The following ROBO1 variants were observed in gnomAD, a reference collection of about 807,000 sequenced individuals.
ROBO1 encodes the protein roundabout guidance receptor 1, also known as roundabout homolog 1.
A neutral mutation model predicts 195.9 loss-of-function variants in ROBO1; 149 were observed. The observed-to-expected ratio is 0.76, with a 90% CI of 0.67 to 0.87. The LOEUF (loss-of-function observed/expected upper bound fraction) is 0.87. ROBO1 is among the 40% of genes least tolerant of loss of function. The pLI, the probability that ROBO1 is intolerant of heterozygous loss-of-function variation, is 0.00. For synonymous variants in ROBO1, 816 were observed against 733.2 expected (o/e 1.11, Z -1.82); for missense variants, 1,933 against 2,068.3 (o/e 0.93, Z 1.27).
At chr3:79,164,752 T>C (rs1241572673) in intron 2 of ROBO1, among the ~76,000 whole-genome samples, 4 of 152,188 alleles carry the variant, frequency 2.6e-5, no homozygotes, top group Non-Finnish European at 5.9e-5. Flanking sequence ...CTATTGCCTC[T>C]CTGATCTCAT....
rs558305320 is a variant in ROBO1 at position 79,220,908 on chromosome 3, T to G, written c.89-95369A>C. Among the ~76,000 whole-genome samples the G allele has an allele frequency of 7.9e-5, 12 of 152,176 alleles. No homozygotes were observed. The East Asian group carries it at 1.5e-3, about 20-fold the overall frequency. ...TTGTAGTAGGGGCATGGCTGTACAC[T>G]GTAGGATGTTTAGCAACATTCCTAG... On this transcript the variant is annotated intron_variant, in intron 2 of 30. Transcript: ENST00000464233.
At chr3:78,674,812 AG>A (rs1347948149) in intron 10 of ROBO1, among the ~76,000 whole-genome samples, 2 of 152,164 alleles carry the variant, frequency 1.3e-5, no homozygotes, top group Admixed American at 1.3e-4. Flanking sequence ...ACTTTAGCAT[AG>A]GTTTCTAAAA....
At chr3:78,607,688 C>T (rs1007613335) in intron 28 of ROBO1, among the ~76,000 whole-genome samples, 1 of 152,098 alleles carries the variant, frequency 6.6e-6, no homozygotes, top group Non-Finnish European at 1.5e-5. Flanking sequence ...ACTGCTAGTA[C>T]CAGATGCATG....
intron 4 of ROBO1, among the ~76,000 whole-genome samples, chr3:78,824,237 T>C (rs1296158434): frequency 6.6e-6 from 1 of 152,174 alleles, no homozygotes; most frequent in Non-Finnish European, 1.5e-5. Context: ...TGACAAGAGA[T>C]ATATTAGGTT....
At chr3:79,694,249 A>C (rs1947377311) in intron 1 of ROBO1, among the ~76,000 whole-genome samples, 1 of 151,866 alleles carries the variant, frequency 6.6e-6, no homozygotes, top group Non-Finnish European at 1.5e-5. Flanking sequence ...TTGACAGTAG[A>C]ATGTCTAATC....
chr3:79,351,989 A>G (rs2035361525), intron 2 of ROBO1, among the ~76,000 whole-genome samples: 1 of 152,206 alleles, frequency 6.6e-6, no homozygotes, highest in Non-Finnish European at 1.5e-5. Flanking sequence ...GCCATTCTAC[A>G]TAAGCATTCC....
intron 1 of ROBO1, among the ~76,000 whole-genome samples, chr3:79,732,927 T>C (rs914751947): frequency 6.6e-6 from 1 of 152,176 alleles, no homozygotes; most frequent in Non-Finnish European, 1.5e-5. Flanking sequence ...CTCTTTTCCA[T>C]ATCTCAATCA....
intron 18 of ROBO1, among the ~76,000 whole-genome samples, chr3:78,655,229 C>T (rs1021726451): frequency 2.0e-5 from 3 of 152,078 alleles, no homozygotes; most frequent in South Asian, 2.1e-4. Flanking sequence ...TAGCCTATGG[C>T]TATGATAGAG....
intron 2 of ROBO1, among the ~76,000 whole-genome samples, chr3:79,455,591 C>A (rs2039593382): frequency 6.6e-6 from 1 of 152,006 alleles, no homozygotes; most frequent in African/African-American, 2.4e-5. Context: ...TTGTAGTGCT[C>A]TGAGTCATTT....
intron 5 of ROBO1, among the ~76,000 whole-genome samples, chr3:78,740,412 T>G (rs2108248101): frequency 6.6e-6 from 1 of 151,336 alleles, no homozygotes; most frequent in South Asian, 2.1e-4. Flanking sequence ...ATTTAAAATT[T>G]TTCAGATTAA....
intron 1 of ROBO1, among the ~76,000 whole-genome samples, chr3:79,754,919 T>C (rs944072855): frequency 2.0e-5 from 3 of 152,204 alleles, no homozygotes; most frequent in Non-Finnish European, 4.4e-5. Context: ...TCACTCTTGT[T>C]GCGCAGGCTG....
At chr3:78,674,973 C>A (rs966417784) in intron 10 of ROBO1, among the ~76,000 whole-genome samples, 3 of 151,934 alleles carry the variant, frequency 2.0e-5, no homozygotes, top group Non-Finnish European at 2.9e-5. Flanking sequence ...TATTTAATGG[C>A]TGTAATGTAC....
chr3:79,093,260 CT>C, intron 3 of ROBO1, among the ~76,000 whole-genome samples: 1 of 152,240 alleles, frequency 6.6e-6, no homozygotes, highest in East Asian at 1.9e-4. Flanking sequence ...TAAGAGTTTA[CT>C]GTGGAACTGA....
chr3:78,745,555 T>C (rs1474296814), intron 5 of ROBO1, among the ~76,000 whole-genome samples: 1 of 152,144 alleles, frequency 6.6e-6, no homozygotes, highest in Non-Finnish European at 1.5e-5. Flanking sequence ...GAAAAGCATT[T>C]GTTTCTTCGC....
At chr3:79,388,464 T>G (rs1187698814) in intron 2 of ROBO1, among the ~76,000 whole-genome samples, 1 of 151,988 alleles carries the variant, frequency 6.6e-6, no homozygotes, top group Non-Finnish European at 1.5e-5. Flanking sequence ...AACATCTTCA[T>G]TCATAATAAA....
intron 4 of ROBO1, among the ~76,000 whole-genome samples, chr3:78,780,365 C>CA (rs1373603583): frequency 6.6e-6 from 1 of 152,030 alleles, no homozygotes; most frequent in Non-Finnish European, 1.5e-5. Flanking sequence ...ATACCTTAGC[C>CA]AATAAAGAAA....
At chr3:79,363,509 C>T (rs1035401286) in intron 2 of ROBO1, among the ~76,000 whole-genome samples, 1 of 152,092 alleles carries the variant, frequency 6.6e-6, no homozygotes, top group African/African-American at 2.4e-5. Context: ...AATTTAGGAA[C>T]AAAAGTGAAT....
rs146693215 is a variant in ROBO1, at chr3:79,448,387, T to C, written c.88+141437A>G. On this transcript the variant is annotated intron_variant, in intron 2 of 30. Coordinates refer to ENST00000464233, the MANE Select transcript of ROBO1 (RefSeq NM_002941.4). ...ATCACATCTTTACACTATTCTTAAA[T>C]GTAAACTCAGTCTTTTTGGTAATTC... Among the ~76,000 whole-genome samples the C allele has an allele frequency of 4.7e-3, 713 of 152,324 alleles. 6 individuals carry two copies. Among genetic ancestry groups the C allele is most frequent in the African/African-American group, 0.016 (673 of 41,584 alleles).
At chr3:78,655,723 T>A (rs908430158) in intron 18 of ROBO1, among the ~76,000 whole-genome samples, 1 of 152,202 alleles carries the variant, frequency 6.6e-6, no homozygotes, top group Non-Finnish European at 1.5e-5. Flanking sequence ...TTTGAAATAA[T>A]TTCCAGGATG....
Sources: allele counts gnomAD v4.1 joint callset (sites outside exome capture counted in the v4.1 genomes callset), GRCh38; gene constraint gnomAD v4.1.1; transcripts MANE v1.5; gene names NCBI Gene and HGNC (gene_info 2026-07-23, HGNC 2026-07-21).